Variants in IL9R observed in about 807,000 individuals in gnomAD.
The protein encoded by IL9R is interleukin 9 receptor, also known as interleukin-9 receptor.
Under a neutral mutation model 56.3 loss-of-function variants are expected in IL9R, and 54 were observed. The ratio of observed to expected loss-of-function variants is 0.96; its 90% CI spans 0.77 to 1.20. The LOEUF is 1.20. IL9R is among the 50% of genes most tolerant of loss of function. The pLI is 0.00. For synonymous variants in IL9R, 212 were observed against 250.2 expected (o/e 0.85, Z 1.44); for missense variants, 545 against 629.8 (o/e 0.87, Z 1.44).
chrX:156,007,025 C>A (rs1221170249), intron 7 of IL9R, among the ~76,000 whole-genome samples: 62 of 151,722 alleles, frequency 4.1e-4, no homozygotes, highest in South Asian at 8.3e-4. Context: ...TGAGTGGTGA[C>A]CCCTGAGGTG....
chrX:156,005,625 G>T, intron 6 of IL9R, 146 bp downstream of exon 6: 1 of 690,292 alleles, frequency 1.4e-6, no homozygotes, highest in South Asian at 1.8e-5. Flanking sequence ...TCCTCTGAAG[G>T]TCTGAGGTCT....
At position 156,010,091 on chromosome X, in the gene IL9R, G is replaced by A. The variant is rs775717769; in HGVS notation, c.1248G>A (p.Thr416=). The A allele has an allele frequency of 1.6e-5, 25 of 1,585,218 alleles. No individual in the cohort carries two copies. The highest frequency in any genetic ancestry group is 8.9e-5 in the South Asian group (8 of 89,842). ...AYLPQEDWAP[T]SLTRPAPPDS... is the part of the protein sequence containing the mutation. ...TGCCACAGGAGGACTGGGCCCCCAC[G>A]TCCCTGACTAGGCCGGCTCCCCCAG... The change falls in exon 9 of 9, where the codon ACG becomes ACA. Residue 416 remains threonine, a synonymous_variant. Coordinates refer to ENST00000244174, the MANE Select transcript of IL9R (RefSeq NM_002186.3).
Position 156,003,441 on chromosome X carries a change from G to A in IL9R, c.143-8G>A. 6.2e-7 allele frequency: 1 copy of A among 1,603,396 alleles called. No homozygotes were observed. The highest frequency in any genetic ancestry group is 2.3e-4 in the Middle Eastern group (1 of 4,414). On this transcript the variant is annotated splice_polypyrimidine_tract_variant and splice_region_variant and intron_variant, in intron 2 of 8. Transcript: ENST00000244174. ...TTACCGTGGGCTCCTGATGGTCACT[G>A]TCTCCAGGGCCAAGGTCTAGAACCT... is the stretch of plus-strand genomic sequence containing the variant.
intron 8 of IL9R, among the ~76,000 whole-genome samples, chrX:156,008,905 G>T (rs2068190468): frequency 6.6e-6 from 1 of 151,916 alleles, no homozygotes; most frequent in Admixed American, 6.6e-5. Context: ...GTGTCTGTGT[G>T]TGTTCGTGTG....
intron 8 of IL9R, among the ~76,000 whole-genome samples, chrX:156,008,740 G>A (rs2068167452): frequency 1.3e-5 from 2 of 152,218 alleles, no homozygotes; most frequent in Admixed American, 1.3e-4. Context: ...GAGGCTCCTG[G>A]TCCCACCAAG....
chrX:155,999,338 G>A (rs731476), intron 1 of IL9R, among the ~76,000 whole-genome samples: 72,758 of 151,798 alleles, frequency 0.48, 19,769 homozygotes, highest in African/African-American at 0.72. Context: ...GTTCCCACAG[G>A]CATTTACCTC....
intron 1 of IL9R, among the ~76,000 whole-genome samples, chrX:155,999,849 G>T (rs1257904865): frequency 6.6e-6 from 1 of 152,038 alleles, no homozygotes; most frequent in African/African-American, 2.4e-5. Context: ...AATATGGCCA[G>T]GCATGTTGGC....
Position 156,005,367 on chromosome X carries a change from G to A in IL9R, c.669G>A (p.Arg223=), listed in dbSNP as rs147480223. ...ELDPGFIHEA[R]LRVQMATLED... ...ACCCTGGCTTTATCCATGAGGCCAG[G>A]CTGCGTGTCCAGATGGCCACACTGG... Residue 223 remains arginine, a synonymous_variant, in exon 6 of 9, where the codon AGG becomes AGA. Transcript: ENST00000244174. The A allele has an allele frequency of 1.6e-4, 256 of 1,612,862 alleles. 1 individual carries two copies. The African/African-American group carries it at 3.0e-3, about 19-fold the overall frequency.
At chrX:156,008,588 T>G (rs771251627) in intron 8 of IL9R, among the ~76,000 whole-genome samples, 5 of 152,304 alleles carry the variant, frequency 3.3e-5, no homozygotes, top group Admixed American at 2.6e-4. Context: ...TGTCATCCTG[T>G]TGCGGGCACC....
In IL9R at chrX:156,007,419, C is replaced by T. The variant is rs371031081; in HGVS notation, c.888-104C>T. 133 of 785,714 alleles carry T rather than the reference C, an allele frequency of 1.7e-4. 1 individual carries two copies. The highest frequency in any genetic ancestry group is 2.6e-4 in the Admixed American group (13 of 49,474). The allele number at this position is 785,714 out of a possible 1,614,324, so 48.7% of individuals were successfully genotyped here. A position where few individuals can be genotyped will look rare whatever the true frequency, so the allele number is the denominator to read the frequency against. Reference sequence around the variant, plus strand: ...GATGGGAGAGAGGCAGTGGCAGGGACGAGGTGGGCGGACCTCCTGCTGATG... The same window carrying T: ...GATGGGAGAGAGGCAGTGGCAGGGATGAGGTGGGCGGACCTCCTGCTGATG... On this transcript the variant is annotated intron_variant, in intron 7 of 8. Coordinates refer to ENST00000244174, the MANE Select transcript of IL9R (RefSeq NM_002186.3).
At chrX:156,007,149 T>A (rs1007931241) in intron 7 of IL9R, among the ~76,000 whole-genome samples, 76 of 148,942 alleles carry the variant, frequency 5.1e-4, no homozygotes, top group African/African-American at 1.8e-3. Context: ...GCAGCAAGTC[T>A]GGTGCTCAGG....
At chrX:156,007,020 G>C (rs1325690561) in intron 7 of IL9R, among the ~76,000 whole-genome samples, 4 of 151,680 alleles carry the variant, frequency 2.6e-5, no homozygotes, top group Non-Finnish European at 5.9e-5. Flanking sequence ...AGATATGAGT[G>C]GTGACCCCTG....
Position 156,005,375 on chromosome X carries a change from T to C in IL9R, c.677T>C (p.Val226Ala), listed in dbSNP as rs759325473. 3.1e-6 allele frequency: 5 copies of C among 1,612,912 alleles called. No individual in the cohort carries two copies. In the South Asian group the frequency reaches 4.4e-5, roughly 14 times the overall value. ...PGFIHEARLR[V>A]QMATLEDDVV... ...TTTATCCATGAGGCCAGGCTGCGTG[T>C]CCAGATGGCCACACTGGAGGATGAT... Residue 226 changes from valine to alanine, a missense_variant, in exon 6 of 9, where the codon GTC becomes GCC. Val to Ala is a moderately conservative substitution (Grantham distance 64). Coordinates refer to ENST00000244174, the MANE Select transcript of IL9R (RefSeq NM_002186.3).
intron 8 of IL9R, chrX:156,007,886 C>T (rs1230408414): frequency 8.3e-6 from 3 of 360,206 alleles, no homozygotes; most frequent in South Asian, 2.6e-5. Context: ...TCTCTGTCCC[C>T]TCTGGTTTGC....
rs767616191 is a variant in IL9R, at chrX:155,999,923, C to T, written c.28+2136C>T. On this transcript the variant is annotated intron_variant, in intron 1 of 8. Coordinates refer to ENST00000244174, the MANE Select transcript of IL9R (RefSeq NM_002186.3). Reference sequence around the variant, plus strand: ...GGTGAATCACTTGAGGCCAGGAGTACGAGACCAGCCTGACAAACATGGTGA... The same window carrying T: ...GGTGAATCACTTGAGGCCAGGAGTATGAGACCAGCCTGACAAACATGGTGA... Among the ~76,000 whole-genome samples the T allele has an allele frequency of 8.3e-4, 126 of 152,050 alleles. 1 individual carries two copies. Among genetic ancestry groups the T allele is most frequent in the African/African-American group, 2.8e-3 (117 of 41,466 alleles).
Position 156,010,187 on chromosome X carries a change from C to T in IL9R, c.1344C>T (p.Cys448=). ...SNNNNYCALG[C]YGGWHLSALP... ...ACAACAACTACTGTGCCTTGGGCTG[C>T]TATGGGGGATGGCACCTCTCAGCCC... The change falls in exon 9 of 9, where the codon TGC becomes TGT. Residue 448 remains cysteine (C), a synonymous_variant. Coordinates refer to ENST00000244174, the MANE Select transcript of IL9R (RefSeq NM_002186.3). 2 of 1,481,888 alleles carry T rather than the reference C, an allele frequency of 1.3e-6. No homozygotes were observed. The highest frequency in any genetic ancestry group is 1.8e-6 in the Non-Finnish European group (2 of 1,126,810). 91.8% of individuals were successfully genotyped at this position (1,481,888 alleles called of 1,614,324 possible).
Position 155,998,588 on chromosome X carries a change from G to A in IL9R, c.28+801G>A, listed in dbSNP as rs376826317. ...TTTTAATTATTATTAATTTTTTTTTGAGACAGAGTTTGAGACAGTATCAAG... is the reference window on the plus strand; with the variant it reads ...TTTTAATTATTATTAATTTTTTTTTAAGACAGAGTTTGAGACAGTATCAAG... On this transcript the variant is annotated intron_variant, in intron 1 of 8. Coordinates refer to ENST00000244174, the MANE Select transcript of IL9R (RefSeq NM_002186.3). Among the ~76,000 whole-genome samples the A allele has an allele frequency of 6.3e-4, 95 of 151,584 alleles. 3 individuals are homozygous for A. The East Asian group carries it at 0.018, about 28-fold the overall frequency.
intron 1 of IL9R, chrX:156,001,578 G>C: frequency 1.9e-6 from 2 of 1,074,682 alleles, no homozygotes; most frequent in Non-Finnish European, 2.9e-6. Context: ...TGCCGGGAGT[G>C]GGGCAGAGTG....
intron 7 of IL9R, among the ~76,000 whole-genome samples, chrX:156,006,404 T>C (rs2067958556): frequency 6.9e-6 from 1 of 145,416 alleles, no homozygotes; most frequent in Middle Eastern, 3.5e-3. Context: ...AGAAGAGGGT[T>C]CTCAAGTTGC....
Sources: gnomAD v4.1 joint callset for allele counts (sites outside exome capture counted in the v4.1 genomes callset) on GRCh38, gnomAD v4.1.1 for gene constraint, MANE v1.5 for transcripts, NCBI Gene and HGNC (gene_info 2026-07-23, HGNC 2026-07-21) for gene names.